EDAR: variants seen among roughly 807,000 people sequenced by gnomAD.
EDAR encodes the protein ectodysplasin A receptor, also known as tumor necrosis factor receptor superfamily member EDAR.
In EDAR, 38 loss-of-function variants were observed where a neutral mutation model predicts 51.3. The ratio of observed to expected loss-of-function variants is 0.74; its 90% confidence interval spans 0.57 to 0.97. The LOEUF (loss-of-function observed/expected upper bound fraction) is 0.97, where lower values mean the gene tolerates loss of function less well. EDAR is among the 50% of genes least tolerant of loss of function. EDAR has a pLI of 0.00. For missense variants in EDAR, 528 were observed against 595.0 expected, an observed-to-expected ratio of 0.89 and a Z score of 1.17; for synonymous variants, 227 against 242.1, an observed-to-expected ratio of 0.94 and a Z score of 0.58.
At chr2:108,933,473 G>A (rs1697408468) in intron 1 of EDAR, among the ~76,000 whole-genome samples, 1 of 152,188 alleles carries the variant, frequency 6.6e-6, no homozygotes, top group Non-Finnish European at 1.5e-5. Flanking sequence ...AAGCACAGCA[G>A]TGGTCCTGGG....
At chr2:108,963,256 G>A (rs918615301) in intron 1 of EDAR, among the ~76,000 whole-genome samples, 2 of 152,152 alleles carry the variant, frequency 1.3e-5, no homozygotes, top group South Asian at 2.1e-4. Context: ...AAAGGGCTAC[G>A]TAAGCAAAAA....
At chr2:108,949,481 T>C (rs575961150) in intron 1 of EDAR, among the ~76,000 whole-genome samples, 1 of 152,348 alleles carries the variant, frequency 6.6e-6, no homozygotes, top group South Asian at 2.1e-4. Flanking sequence ...TATTGCCTAC[T>C]GCGTCCCACA....
intron 1 of EDAR, among the ~76,000 whole-genome samples, chr2:108,969,492 C>T (rs1185641685): frequency 6.6e-6 from 1 of 152,182 alleles, no homozygotes; most frequent in South Asian, 2.1e-4. Context: ...CAGGTCCTGG[C>T]CCCGAGGACT....
At chr2:108,973,985 A>T (rs888811366) in intron 1 of EDAR, among the ~76,000 whole-genome samples, 1 of 152,196 alleles carries the variant, frequency 6.6e-6, no homozygotes. Flanking sequence ...CAGGAGAGTA[A>T]GACCATCCTG....
intron 1 of EDAR, among the ~76,000 whole-genome samples, chr2:108,976,649 T>A (rs1698327325): frequency 6.6e-6 from 1 of 152,236 alleles, no homozygotes; most frequent in Non-Finnish European, 1.5e-5. Flanking sequence ...CATTATTTAT[T>A]TGTCAGTGTG....
intron 1 of EDAR, among the ~76,000 whole-genome samples, chr2:108,967,149 G>A (rs1698162944): frequency 1.3e-5 from 2 of 152,252 alleles, no homozygotes; most frequent in East Asian, 3.9e-4. Context: ...TGGTTAGGCT[G>A]GTTTTGAACT....
At chr2:108,980,531 T>C (rs1698401492) in intron 1 of EDAR, among the ~76,000 whole-genome samples, 1 of 152,192 alleles carries the variant, frequency 6.6e-6, no homozygotes, top group South Asian at 2.1e-4. Context: ...TTTACATATA[T>C]ATATTTATGT....
At chr2:108,984,561 C>T (rs1698466157) in intron 1 of EDAR, among the ~76,000 whole-genome samples, 1 of 152,166 alleles carries the variant, frequency 6.6e-6, no homozygotes, top group Non-Finnish European at 1.5e-5. Flanking sequence ...ACCCCAGGGC[C>T]TCCTTTCTTG....
chr2:108,920,237 T>C (rs1697109787), intron 5 of EDAR, among the ~76,000 whole-genome samples: 1 of 152,218 alleles, frequency 6.6e-6, no homozygotes, highest in Non-Finnish European at 1.5e-5. Context: ...TCCACATGCA[T>C]CGCCCACGTC....
At chr2:108,921,311 T>C (rs1165359108) in intron 5 of EDAR, among the ~76,000 whole-genome samples, 1 of 152,194 alleles carries the variant, frequency 6.6e-6, no homozygotes, top group African/African-American at 2.4e-5. Context: ...ACCCATTGTC[T>C]GCTGTAGCTC....
At chr2:108,947,337 G>A (rs866656600) in intron 1 of EDAR, among the ~76,000 whole-genome samples, 16 of 152,272 alleles carry the variant, frequency 1.1e-4, no homozygotes, top group Middle Eastern at 6.8e-3. Flanking sequence ...GATTTTCCAA[G>A]TGCATGGTGC....
At chr2:108,948,405 G>T (rs1169862035) in intron 1 of EDAR, among the ~76,000 whole-genome samples, 3 of 152,056 alleles carry the variant, frequency 2.0e-5, no homozygotes, top group African/African-American at 7.2e-5. Context: ...AAATTTTCAG[G>T]TTGTCTTTAT....
chr2:108,912,598 G>A (rs1696947559), intron 6 of EDAR, 80 bp downstream of exon 6: 1 of 1,342,044 alleles, frequency 7.5e-7, no homozygotes, highest in Non-Finnish European at 1.0e-6. Flanking sequence ...CATCACTCAT[G>A]ATCATTTCCT....
intron 1 of EDAR, among the ~76,000 whole-genome samples, chr2:108,978,837 C>T (rs949563432): frequency 1.6e-4 from 24 of 152,272 alleles, no homozygotes; most frequent in Admixed American, 6.5e-5. Flanking sequence ...GTTAGCACAG[C>T]TGCAAATCTG....
chr2:108,973,135 C>T (rs868280417), intron 1 of EDAR, among the ~76,000 whole-genome samples: 2 of 152,128 alleles, frequency 1.3e-5, no homozygotes, highest in Admixed American at 1.3e-4. Flanking sequence ...TAATGGCACC[C>T]GCCACCATGT....
intron 4 of EDAR, 72 bp downstream of exon 4, chr2:108,929,126 G>A: frequency 6.4e-7 from 1 of 1,571,670 alleles, no homozygotes; most frequent in Non-Finnish European, 8.7e-7. Context: ...TGTTCCCAAG[G>A]TCCTTGCCCG....
Position 108,923,367 on chromosome 2 carries a change from C to A in EDAR, c.442+1G>T. 1 of 1,614,036 alleles carries A rather than the reference C, an allele frequency of 6.2e-7. No homozygotes were observed. The highest frequency in any genetic ancestry group is 1.1e-5 in the South Asian group (1 of 91,084). The stretch of plus-strand genomic sequence containing the variant: ...GCTGGTGGAAGGACAAAGACACTCA[C>A]ATTCCTTGGTGTTGGGGGGTGCCAG... On this transcript the variant is annotated splice_donor_variant, in intron 5 of 11. Coordinates refer to ENST00000258443, the MANE Select transcript of EDAR (RefSeq NM_022336.4). LOFTEE classifies it high-confidence loss of function.
At position 108,894,678 on chromosome 2, in the gene EDAR, A is replaced by T. The variant is rs1696546317; in HGVS notation, c.*2229T>A. ...TGGAGTCCCAGCTTTGGTCAGTGAG[A>T]ATTATTATGATCTCATTGTTCTGAA... On this transcript the variant is annotated 3_prime_UTR_variant, in exon 12 of 12. Coordinates refer to ENST00000258443, the MANE Select transcript of EDAR (RefSeq NM_022336.4). The T allele has an allele frequency of 6.6e-6, 1 of 152,532 alleles. No individual in the cohort carries two copies. The highest frequency in any genetic ancestry group is 1.5e-5 in the Non-Finnish European group (1 of 68,034). 9.4% of individuals were successfully genotyped at this position (152,532 alleles called of 1,614,324 possible).
intron 1 of EDAR, among the ~76,000 whole-genome samples, chr2:108,954,536 C>T (rs192347572): frequency 4.3e-4 from 65 of 152,246 alleles, no homozygotes; most frequent in African/African-American, 6.3e-4. Context: ...ACATGCTTTG[C>T]TCTTTTCATC....
Sources: allele counts gnomAD v4.1 joint callset (sites outside exome capture counted in the v4.1 genomes callset), GRCh38; gene constraint gnomAD v4.1.1; transcripts MANE v1.5; gene names NCBI Gene and HGNC (gene_info 2026-07-23, HGNC 2026-07-21).